GLRA2: variants seen among roughly 807,000 people sequenced by gnomAD.
The protein encoded by GLRA2 is glycine receptor alpha 2, also known as glycine receptor subunit alpha-2.
A neutral mutation model predicts 31.6 loss-of-function variants in GLRA2; 11 were observed. The ratio of observed to expected loss-of-function variants is 0.35; its 90% CI spans 0.22 to 0.58. The LOEUF is 0.58. Among genes scored for constraint, GLRA2 ranks in the 20% least tolerant of loss-of-function variants. The pLI is 0.84. For missense variants in GLRA2, 212 were observed against 351.8 expected (o/e 0.60, Z 3.18); for synonymous variants, 132 against 134.0 (o/e 0.99, Z 0.10).
intron 8 of GLRA2, among the ~76,000 whole-genome samples, chrX:14,691,323 G>GCA: frequency 1.0e-5 from 1 of 97,000 alleles, no homozygotes; most frequent in South Asian, 4.6e-4. Context: ...GTGTGTGTGT[G>GCA]TGCGCGCGTG....
rs752254349 is a variant in GLRA2, at chrX:14,615,227, A to G, written c.930+6022A>G. Among the ~76,000 whole-genome samples, 7 of 112,199 alleles carry G rather than the reference A, an allele frequency of 6.2e-5. No homozygotes were observed. In the East Asian group the frequency reaches 1.7e-3, roughly 27 times the overall value. On this transcript the variant is annotated intron_variant, in intron 7 of 8. Transcript: ENST00000218075. The stretch of plus-strand genomic sequence containing the variant: ...ACCTGGTTCACAGTAGGTGCTCAGT[A>G]AAGAGTAAATCAGTGAATAAATGAA...
the GLRA2 span, among the ~76,000 whole-genome samples, chrX:14,494,647 C>G: frequency 9.0e-6 from 1 of 111,382 alleles, no homozygotes; most frequent in Non-Finnish European, 1.9e-5. Flanking sequence ...TAGGGACTTT[C>G]ACTGGAAAAC....
intron 7 of GLRA2, among the ~76,000 whole-genome samples, chrX:14,671,990 G>A (rs2091098461): frequency 8.9e-6 from 1 of 111,973 alleles, no homozygotes; most frequent in Non-Finnish European, 1.9e-5. Flanking sequence ...TGCTATTGAT[G>A]TGGTTTCCTC....
the GLRA2 span, among the ~76,000 whole-genome samples, chrX:14,457,121 CT>C: frequency 7.2e-5 from 8 of 111,118 alleles, no homozygotes; most frequent in African/African-American, 2.6e-4. Flanking sequence ...TGATGTTGAG[CT>C]TTTTTTTAAA....
At chrX:14,654,467 G>A (rs759077869) in intron 7 of GLRA2, among the ~76,000 whole-genome samples, 5 of 111,598 alleles carry the variant, frequency 4.5e-5, no homozygotes, top group Non-Finnish European at 9.4e-5. Flanking sequence ...ACTTTTATAT[G>A]CACCAAGGTA....
the GLRA2 span, among the ~76,000 whole-genome samples, chrX:14,466,683 C>G: frequency 8.9e-6 from 1 of 111,740 alleles, no homozygotes; most frequent in Non-Finnish European, 1.9e-5. Flanking sequence ...AAAAAGAAAT[C>G]AATAATGGCC....
At chrX:14,688,914 G>C (rs1370050179) in intron 7 of GLRA2, among the ~76,000 whole-genome samples, 1 of 111,700 alleles carries the variant, frequency 9.0e-6, no homozygotes. Context: ...CTGTAGACTG[G>C]AGCTGTTCCT....
the GLRA2 span, among the ~76,000 whole-genome samples, chrX:14,485,516 C>A: frequency 1.8e-5 from 2 of 111,822 alleles, no homozygotes; most frequent in East Asian, 5.6e-4. Flanking sequence ...TTATGACAGA[C>A]TTATGCATAG....
intron 8 of GLRA2, among the ~76,000 whole-genome samples, chrX:14,729,190 A>G (rs1399682479): frequency 1.8e-5 from 2 of 112,287 alleles, no homozygotes; most frequent in Non-Finnish European, 3.8e-5. Flanking sequence ...CTTTTGGGAA[A>G]CATAACCATT....
intron 2 of GLRA2, among the ~76,000 whole-genome samples, chrX:14,557,196 A>G (rs1329696866): frequency 2.3e-5 from 2 of 88,472 alleles, no homozygotes; most frequent in African/African-American, 4.6e-5. Context: ...GCTCACTGTA[A>G]GCTCCGCCTC....
At chrX:14,607,291 T>TTC in intron 6 of GLRA2, 23 bp downstream of exon 6, 1 of 1,131,374 alleles carries the variant, frequency 8.8e-7, no homozygotes, top group Non-Finnish European at 1.2e-6. Flanking sequence ...TTTTTTTTTT[T>TTC]TCAGCTGTTA....
At chrX:14,498,326 C>T in the GLRA2 span, among the ~76,000 whole-genome samples, 37 of 110,891 alleles carry the variant, frequency 3.3e-4, no homozygotes, top group Non-Finnish European at 1.5e-4. Flanking sequence ...CTACAAATTA[C>T]ATAGAAACAA....
intron 7 of GLRA2, among the ~76,000 whole-genome samples, chrX:14,663,633 C>A (rs910654482): frequency 2.7e-5 from 3 of 110,266 alleles, no homozygotes; most frequent in African/African-American, 6.6e-5. Context: ...TAAGTTATGA[C>A]CAAGTACGAT....
intron 7 of GLRA2, among the ~76,000 whole-genome samples, chrX:14,609,668 A>G (rs1212431523): frequency 8.9e-6 from 1 of 111,875 alleles, no homozygotes; most frequent in Non-Finnish European, 1.9e-5. Flanking sequence ...GAGCCATATC[A>G]ATAAATATAT....
chrX:14,691,152 ATTGT>A (rs1268798092), intron 8 of GLRA2, among the ~76,000 whole-genome samples: 1 of 111,951 alleles, frequency 8.9e-6, no homozygotes, highest in African/African-American at 3.2e-5. Flanking sequence ...TATACTAAAA[ATTGT>A]TTATCTGAAA....
At chrX:14,460,284 T>C in the GLRA2 span, among the ~76,000 whole-genome samples, 1 of 112,368 alleles carries the variant, frequency 8.9e-6, no homozygotes, top group Non-Finnish European at 1.9e-5. Context: ...CAGTGTTTTA[T>C]TGAGGATTTT....
the GLRA2 span, among the ~76,000 whole-genome samples, chrX:14,451,762 G>A: frequency 9.3e-6 from 1 of 107,561 alleles, no homozygotes; most frequent in African/African-American, 3.4e-5. Context: ...CAGGCTCAAA[G>A]GAAAGGAGAA....
the GLRA2 span, among the ~76,000 whole-genome samples, chrX:14,490,504 C>CA: frequency 1.8e-5 from 2 of 112,342 alleles, no homozygotes; most frequent in Non-Finnish European, 3.8e-5. Flanking sequence ...ACAGCAGGAA[C>CA]AGACAATTCT....
At chrX:14,554,728 A>C (rs1469402486) in intron 2 of GLRA2, among the ~76,000 whole-genome samples, 1 of 111,981 alleles carries the variant, frequency 8.9e-6, no homozygotes, top group Non-Finnish European at 1.9e-5. Context: ...ATCAGTTCAA[A>C]AAAAACCTCA....
Sources: allele counts gnomAD v4.1 joint callset (sites outside exome capture counted in the v4.1 genomes callset), GRCh38; gene constraint gnomAD v4.1.1; transcripts MANE v1.5; gene names NCBI Gene and HGNC (gene_info 2026-07-23, HGNC 2026-07-21).